The following LOXHD1 variants were observed in gnomAD, a reference collection of about 807,000 sequenced individuals.
The protein encoded by LOXHD1 is lipoxygenase homology domain-containing protein 1.
In LOXHD1, 205 loss-of-function variants were observed where a neutral mutation model predicts 248.2. That is an observed-to-expected ratio of 0.83 (90% CI 0.74 to 0.93). LOXHD1 has a LOEUF of 0.93. Among genes scored for constraint, LOXHD1 ranks in the 40% least tolerant of loss-of-function variants. LOXHD1 has a pLI of 0.00. For synonymous variants in LOXHD1, 1,113 were observed against 1,162.8 expected (o/e 0.96, Z 0.87); for missense variants, 2,930 against 2,971.6 (o/e 0.99, Z 0.33).
chr18:46,606,049 T>G lies in LOXHD1; in HGVS notation c.760-1820A>C, dbSNP rs114997749. ...CATTCAACTGATGTGCTTAAAAGAA[T>G]ATAAGCAGATTTAGTCTTTATGAAA... On this transcript the variant is annotated intron_variant, in intron 6 of 40. Coordinates refer to ENST00000642948, the MANE Select transcript of LOXHD1 (RefSeq NM_001384474.1). Among the ~76,000 whole-genome samples the G allele has an allele frequency of 5.6e-3, 857 of 152,262 alleles. 12 individuals carry two copies. Among genetic ancestry groups the G allele is most frequent in the African/African-American group, 0.02 (823 of 41,540 alleles).
intron 17 of LOXHD1, 100 bp from the exon 18 acceptor site, chr18:46,563,325 G>A (rs909935687): frequency 2.3e-5 from 28 of 1,228,706 alleles, no homozygotes; most frequent in Non-Finnish European, 2.2e-5. Context: ...CCAGGTGCCT[G>A]GCGCTTTACA....
At chr18:46,561,631 C>A (rs544598461) in intron 18 of LOXHD1, among the ~76,000 whole-genome samples, 1 of 152,308 alleles carries the variant, frequency 6.6e-6, no homozygotes, top group South Asian at 2.1e-4. Context: ...TCCACAGTGT[C>A]CTACAATTCA....
At chr18:46,613,044 T>C (rs2038531810) in intron 5 of LOXHD1, among the ~76,000 whole-genome samples, 1 of 152,238 alleles carries the variant, frequency 6.6e-6, no homozygotes, top group South Asian at 2.1e-4. Context: ...GTTAGCATTA[T>C]TTTCATTATT....
chr18:46,487,972 T>C (rs528210312), intron 38 of LOXHD1, among the ~76,000 whole-genome samples: 3 of 152,184 alleles, frequency 2.0e-5, no homozygotes, highest in East Asian at 1.9e-4. Flanking sequence ...TTTGACTCCA[T>C]TGGGACTACC....
intron 2 of LOXHD1, among the ~76,000 whole-genome samples, chr18:46,648,308 A>C (rs2039058969): frequency 6.6e-6 from 1 of 152,110 alleles, no homozygotes; most frequent in Non-Finnish European, 1.5e-5. Context: ...ACAAAAAAAA[A>C]CGTGGGGTTT....
chr18:46,580,809 G>A (rs2037947195), intron 12 of LOXHD1, among the ~76,000 whole-genome samples: 1 of 152,204 alleles, frequency 6.6e-6, no homozygotes, highest in African/African-American at 2.4e-5. Flanking sequence ...AAGAGGTAAT[G>A]TGTGAGCTAT....
rs1397037437 is a variant in LOXHD1 at position 46,657,085 on chromosome 18, A to G, written c.-52T>C. On this transcript the variant is annotated 5_prime_UTR_variant, in exon 1 of 41. Coordinates refer to ENST00000642948, the MANE Select transcript of LOXHD1 (RefSeq NM_001384474.1). ...CGCAGGCTCACTGTGCCGCCTCCTC[A>G]CACCTGCGGGAACCTGAGACCTCCT... 3 of 1,550,520 alleles carry G rather than the reference A, an allele frequency of 1.9e-6. No homozygotes were observed. Among genetic ancestry groups the G allele is most frequent in the Non-Finnish European group, 2.6e-6 (3 of 1,146,558 alleles).
chr18:46,535,769 C>G (rs1205776833), intron 26 of LOXHD1, among the ~76,000 whole-genome samples: 2 of 152,168 alleles, frequency 1.3e-5, no homozygotes, highest in East Asian at 3.9e-4. Context: ...CAGGGTTTCA[C>G]CATGTTGGCC....
chr18:46,482,324 G>A (rs2032646968), intron 40 of LOXHD1, among the ~76,000 whole-genome samples: 3 of 152,172 alleles, frequency 2.0e-5, no homozygotes, highest in African/African-American at 7.2e-5. Flanking sequence ...AAGGTCATGA[G>A]GGTGGGGCCC....
rs1340090054 is a variant in LOXHD1, at chr18:46,524,818, T to C, written c.4630A>G (p.Lys1544Glu). Residue 1544 changes from lysine (K) to glutamate (E), a missense_variant, in exon 30 of 41, where the codon AAG becomes GAG. Transcript: ENST00000642948. Reference protein sequence around the residue: ...SKWCADWYVEKVEIWNDTNED... With the variant: ...SKWCADWYVEEVEIWNDTNED... The stretch of plus-strand genomic sequence containing the variant: ...TTGGTGTCATTCCAGATCTCCACCT[T>C]CTCCACGTACCAGTCTGCGCACCAC... The C allele has an allele frequency of 2.3e-5, 36 of 1,551,640 alleles. No homozygotes were observed. The highest frequency in any genetic ancestry group is 3.0e-5 in the Non-Finnish European group (34 of 1,147,026).
intron 11 of LOXHD1, 89 bp downstream of exon 11, chr18:46,592,409 A>C: frequency 8.9e-7 from 1 of 1,119,944 alleles, no homozygotes; most frequent in Non-Finnish European, 1.3e-6. Context: ...ATAAATACAG[A>C]GGCAAATTTA....
At chr18:46,532,972 T>C (rs141147163) in intron 28 of LOXHD1, among the ~76,000 whole-genome samples, 190 bp downstream of exon 28, 2 of 152,330 alleles carry the variant, frequency 1.3e-5, no homozygotes, top group Non-Finnish European at 2.9e-5. Flanking sequence ...AGCTCGGCCA[T>C]CTATTAGCTG....
At chr18:46,560,051 C>CGGGG in intron 19 of LOXHD1, 32 bp downstream of exon 19, 8 of 1,310,688 alleles carry the variant, frequency 6.1e-6, no homozygotes, top group Non-Finnish European at 8.4e-6. Flanking sequence ...TGGCCACTCC[C>CGGGG]TCCCCACCCC....
intron 33 of LOXHD1, chr18:46,520,431 A>C (rs1568130082): frequency 7.7e-6 from 3 of 390,464 alleles, no homozygotes; most frequent in Non-Finnish European, 1.5e-5. Flanking sequence ...CAGGTGAAAC[A>C]GAGGCTTCTG....
At position 46,657,189 on chromosome 18, in the gene LOXHD1, G is replaced by A. The variant is rs2039194949; in HGVS notation, c.-156C>T. 6 of 1,191,240 alleles carry A rather than the reference G, an allele frequency of 5.0e-6. No homozygotes were observed. The highest frequency in any genetic ancestry group is 3.0e-5 in the South Asian group (2 of 65,912). 73.8% of individuals were successfully genotyped at this position (1,191,240 alleles called of 1,614,324 possible). ...AGTGCCCCGTTTTCTTGGCTTCCCC[G>A]TGCCCAAGGTGCTGTTCCCTCTGCC... On this transcript the variant is annotated 5_prime_UTR_variant, in exon 1 of 41. It adds an upstream start codon to the 5' untranslated region. Transcript: ENST00000642948.
chr18:46,479,219 A>G (rs577175267), intron 40 of LOXHD1, among the ~76,000 whole-genome samples: 1 of 132,080 alleles, frequency 7.6e-6, no homozygotes, highest in African/African-American at 3.0e-5. Flanking sequence ...TTGAACAAAG[A>G]GTTTGTATAT....
intron 21 of LOXHD1, among the ~76,000 whole-genome samples, chr18:46,553,072 C>CTG (rs991245435): frequency 1.3e-5 from 2 of 152,246 alleles, no homozygotes; most frequent in Non-Finnish European, 2.9e-5. Flanking sequence ...ACAACCACCA[C>CTG]TGTCACTGTG....
chr18:46,532,382 GAA>G lies in LOXHD1; in HGVS notation c.4375+778_4375+779del, dbSNP rs561680603. On this transcript the variant is annotated intron_variant, in intron 28 of 40. Coordinates refer to ENST00000642948, the MANE Select transcript of LOXHD1 (RefSeq NM_001384474.1). ...GTATGACTCTGTCCATATGTTCTGG[GAA>G]AAGTGTGCGTGTGTGTGTGTCTGTA... Among the ~76,000 whole-genome samples, 44 of 152,306 alleles carry G rather than the reference GAA, an allele frequency of 2.9e-4. No individual in the cohort carries two copies. In the East Asian group the frequency reaches 8.5e-3, roughly 29 times the overall value.
chr18:46,497,864 T>G (rs553623566), intron 37 of LOXHD1, among the ~76,000 whole-genome samples: 1 of 152,162 alleles, frequency 6.6e-6, no homozygotes, highest in African/African-American at 2.4e-5. Flanking sequence ...AGTGAGAACA[T>G]AAGAGAGCTT....
Sources: allele counts gnomAD v4.1 joint callset (sites outside exome capture counted in the v4.1 genomes callset), GRCh38; gene constraint gnomAD v4.1.1; transcripts MANE v1.5; gene names NCBI Gene and HGNC (gene_info 2026-07-23, HGNC 2026-07-21).